The following PAIP2B variants were observed in gnomAD, a reference collection of about 807,000 sequenced individuals.
The protein encoded by PAIP2B is poly(A) binding protein interacting protein 2B.
A neutral mutation model predicts 17.0 loss-of-function variants in PAIP2B; 13 were observed. The observed-to-expected ratio is 0.76, with a 90% CI of 0.50 to 1.22. The LOEUF (loss-of-function observed/expected upper bound fraction) is 1.22, where lower values mean the gene tolerates loss of function less well. Among genes scored for constraint, PAIP2B ranks in the 50% most tolerant of loss-of-function variants. PAIP2B has a pLI of 0.00. For missense variants in PAIP2B, 117 were observed against 144.5 expected (o/e 0.81, Z 0.98); for synonymous variants, 43 against 48.7 (o/e 0.88, Z 0.48).
intron 2 of PAIP2B, among the ~76,000 whole-genome samples, chr2:71,197,251 C>G (rs1171079361): frequency 6.6e-6 from 1 of 152,104 alleles, no homozygotes; most frequent in Non-Finnish European, 1.5e-5. Flanking sequence ...TGAAAAGGAT[C>G]TTATTTTTCC....
At chr2:71,219,082 A>ATTTTTTTTT (rs568552077) in intron 1 of PAIP2B, among the ~76,000 whole-genome samples, 185 of 113,866 alleles carry the variant, frequency 1.6e-3, no homozygotes, top group Non-Finnish European at 2.2e-3. Flanking sequence ...CGCCTAGCTA[A>ATTTTTTTTT]TTTTTTTTTT....
Position 71,188,311 on chromosome 2 carries a change from A to AT in PAIP2B, c.*167dup. ...AAATAGAAATACTCAGAGGCTTAGA[A>AT]TAAGACTGAGCATATTAGTTACTCA... On this transcript the variant is annotated 3_prime_UTR_variant, in exon 4 of 4. Coordinates refer to ENST00000244221, the MANE Select transcript of PAIP2B (RefSeq NM_020459.1). 1.6e-6 allele frequency: 1 copy of AT among 614,574 alleles called. No individual in the cohort carries two copies. The highest frequency in any genetic ancestry group is 2.0e-5 in the South Asian group (1 of 49,010). The allele number at this position is 614,574 out of a possible 1,614,324, so 38.1% of individuals were successfully genotyped here. A position where few individuals can be genotyped will look rare whatever the true frequency, so the allele number is the denominator to read the frequency against.
intron 2 of PAIP2B, among the ~76,000 whole-genome samples, chr2:71,198,215 A>T (rs1674875753): frequency 6.6e-6 from 1 of 151,428 alleles, no homozygotes; most frequent in African/African-American, 2.4e-5. Context: ...CACTTCCCAG[A>T]TTCAAGAGAT....
chr2:71,198,967 A>T (rs1674903641), intron 2 of PAIP2B, among the ~76,000 whole-genome samples: 1 of 152,066 alleles, frequency 6.6e-6, no homozygotes, highest in African/African-American at 2.4e-5. Context: ...GTTCCTATTC[A>T]TATTCTGAAC....
At chr2:71,189,400 C>A (rs547890241) in intron 3 of PAIP2B, among the ~76,000 whole-genome samples, 1 of 152,312 alleles carries the variant, frequency 6.6e-6, no homozygotes, top group South Asian at 2.1e-4. Context: ...AAAATGACCT[C>A]TCAGGAGTAC....
Position 71,189,935 on chromosome 2 carries a change from G to T in PAIP2B, c.225C>A (p.Pro75=), listed in dbSNP as rs357777. The change falls in exon 3 of 4, where the codon CCC becomes CCA. Residue 75 remains proline, a synonymous_variant. Transcript: ENST00000244221. ...LDEEDQDWFI[P]SRDLPQAMGQ... is the part of the protein sequence containing the mutation. Reference sequence around the variant, plus strand: ...CCATGGCCTGAGGCAGGTCTCGTGAGGGAATAAACCAGTCTTGGTCTTCTT... The same window carrying T: ...CCATGGCCTGAGGCAGGTCTCGTGATGGAATAAACCAGTCTTGGTCTTCTT... 0.92 allele frequency: 1,474,868 copies of T among 1,607,008 alleles called. 677,449 individuals are homozygous for T. Among genetic ancestry groups the T allele is most frequent in the East Asian group, 1 (44,668 of 44,734 alleles).
At chr2:71,221,447 A>G (rs1388215639) in intron 1 of PAIP2B, among the ~76,000 whole-genome samples, 1 of 152,190 alleles carries the variant, frequency 6.6e-6, no homozygotes, top group Non-Finnish European at 1.5e-5. Context: ...TCTCAGGAAG[A>G]GTTCAGAATT....
At chr2:71,194,209 T>G (rs2103762710) in intron 2 of PAIP2B, among the ~76,000 whole-genome samples, 1 of 152,086 alleles carries the variant, frequency 6.6e-6, no homozygotes, top group East Asian at 1.9e-4. Flanking sequence ...GTGCACTTTT[T>G]AGGTTCCATA....
chr2:71,191,889 T>G (rs567769067), intron 2 of PAIP2B, among the ~76,000 whole-genome samples: 4 of 152,294 alleles, frequency 2.6e-5, no homozygotes, highest in Non-Finnish European at 4.4e-5. Context: ...TATAAAACAA[T>G]GCGTTACTGC....
intron 2 of PAIP2B, among the ~76,000 whole-genome samples, chr2:71,192,713 T>C (rs901180924): frequency 1.3e-5 from 2 of 152,204 alleles, no homozygotes; most frequent in Admixed American, 6.5e-5. Context: ...CCTGTGTTAG[T>C]TTGCTAAGGA....
At chr2:71,224,568 G>A (rs1675673267) in intron 1 of PAIP2B, among the ~76,000 whole-genome samples, 1 of 152,174 alleles carries the variant, frequency 6.6e-6, no homozygotes, top group Non-Finnish European at 1.5e-5. Flanking sequence ...CTTGCAAGGA[G>A]AGAGAATGGT....
rs2103729643 is a variant in PAIP2B at position 71,183,567 on chromosome 2, T to C, written c.*4912A>G. ...TAAAAGGCTCTCTGCTGACAAAATG[T>C]GGTACATCCATCAACAGAATTCTAC... On this transcript the variant is annotated 3_prime_UTR_variant, in exon 4 of 4. Transcript: ENST00000244221. 1 of 147,362 alleles carries C rather than the reference T, an allele frequency of 6.8e-6. No individual in the cohort carries two copies. Among genetic ancestry groups the C allele is most frequent in the South Asian group, 2.3e-4 (1 of 4,426 alleles). The allele number at this position is 147,362 out of a possible 1,614,324, so 9.1% of individuals were successfully genotyped here. A position where few individuals can be genotyped will look rare whatever the true frequency, so the allele number is the denominator to read the frequency against.
chr2:71,223,067 A>G (rs917537247), intron 1 of PAIP2B, among the ~76,000 whole-genome samples: 3 of 152,178 alleles, frequency 2.0e-5, no homozygotes, highest in African/African-American at 4.8e-5. Flanking sequence ...TTAGGCAAAT[A>G]TAAAATCCAC....
At chr2:71,209,599 T>C (rs1675234706) in intron 1 of PAIP2B, among the ~76,000 whole-genome samples, 1 of 152,094 alleles carries the variant, frequency 6.6e-6, no homozygotes, top group Admixed American at 6.6e-5. Flanking sequence ...TGGTAGGAAA[T>C]TTCACTTCCC....
chr2:71,184,608 A>T lies in PAIP2B; in HGVS notation c.*3871T>A, dbSNP rs930218478. The T allele has an allele frequency of 2.6e-5, 4 of 152,278 alleles. No individual in the cohort carries two copies. Among genetic ancestry groups the T allele is most frequent in the Non-Finnish European group, 5.9e-5 (4 of 68,064 alleles). 9.4% of individuals were successfully genotyped at this position (152,278 alleles called of 1,614,324 possible). On this transcript the variant is annotated 3_prime_UTR_variant, in exon 4 of 4. Coordinates refer to ENST00000244221, the MANE Select transcript of PAIP2B (RefSeq NM_020459.1). ...ACCAAGTCTGTGTAGGAAATTCACAAGGCAGCAGAGCAGAGGCTGCAGAGG... is the reference window on the plus strand; with the variant it reads ...ACCAAGTCTGTGTAGGAAATTCACATGGCAGCAGAGCAGAGGCTGCAGAGG...
At chr2:71,197,856 A>G (rs896967486) in intron 2 of PAIP2B, among the ~76,000 whole-genome samples, 12 of 152,192 alleles carry the variant, frequency 7.9e-5, no homozygotes, top group Admixed American at 5.2e-4. Flanking sequence ...AACAGCAAGG[A>G]AAGACTCACC....
At chr2:71,224,859 C>A (rs1255499562) in intron 1 of PAIP2B, among the ~76,000 whole-genome samples, 1 of 152,172 alleles carries the variant, frequency 6.6e-6, no homozygotes, top group Non-Finnish European at 1.5e-5. Flanking sequence ...CACAAATACT[C>A]CCAAAAAAGA....
At chr2:71,199,219 T>C (rs1674910779) in intron 2 of PAIP2B, among the ~76,000 whole-genome samples, 1 of 152,138 alleles carries the variant, frequency 6.6e-6, no homozygotes, top group Non-Finnish European at 1.5e-5. Flanking sequence ...GTTTCCCTTA[T>C]TGTGGAAGTA....
At chr2:71,198,913 C>T (rs1674902391) in intron 2 of PAIP2B, among the ~76,000 whole-genome samples, 1 of 152,170 alleles carries the variant, frequency 6.6e-6, no homozygotes, top group South Asian at 2.1e-4. Context: ...TTTTTATTTT[C>T]CTTGGACTGG....
Sources: gnomAD v4.1 joint callset for allele counts (sites outside exome capture counted in the v4.1 genomes callset) on GRCh38, gnomAD v4.1.1 for gene constraint, MANE v1.5 for transcripts, NCBI Gene and HGNC (gene_info 2026-07-23, HGNC 2026-07-21) for gene names.